CCNY: variants seen among roughly 807,000 people sequenced by gnomAD.
CCNY encodes cyclin-Y.
In CCNY, 19 loss-of-function variants were observed where a neutral mutation model predicts 42.8. That is an observed-to-expected ratio of 0.44 (90% confidence interval 0.31 to 0.65). CCNY has a LOEUF of 0.65. CCNY is among the 30% of genes least tolerant of loss of function. The probability of loss-of-function intolerance (pLI) is 0.07; values close to 1 mark genes in which losing one functional copy is unlikely to be tolerated. For synonymous variants in CCNY, 165 were observed against 162.7 expected, an observed-to-expected ratio of 1.01 and a Z score of -0.11; for missense variants, 370 against 437.3, an observed-to-expected ratio of 0.85 and a Z score of 1.37.
intron 1 of CCNY, among the ~76,000 whole-genome samples, chr10:35,480,056 A>G (rs1262285189): frequency 6.6e-6 from 1 of 151,926 alleles, no homozygotes; most frequent in African/African-American, 2.4e-5. Flanking sequence ...TGTAATTACC[A>G]TAGTTTTCTT....
intron 1 of CCNY, among the ~76,000 whole-genome samples, chr10:35,457,570 C>A (rs1357080085): frequency 6.6e-6 from 1 of 152,002 alleles, no homozygotes; most frequent in Admixed American, 6.5e-5. Context: ...TACTGTAACC[C>A]AAATTCATAG....
At chr10:35,339,302 T>C (rs1031408283) in intron 1 of CCNY, among the ~76,000 whole-genome samples, 2 of 152,178 alleles carry the variant, frequency 1.3e-5, no homozygotes, top group African/African-American at 4.8e-5. Context: ...GAGATGCAGG[T>C]AGGCCTGAGA....
rs539576419 is a variant in CCNY, at chr10:35,411,921, C to A, written c.155-71483C>A. On this transcript the variant is annotated intron_variant, in intron 1 of 9. Coordinates refer to ENST00000374704, the MANE Select transcript of CCNY (RefSeq NM_145012.6). ...CCACTGTCTCACTGGCTTTTCCTAA[C>A]AAGCCTTAATTTCTTGCTCATATCA... Among the ~76,000 whole-genome samples, 5 of 152,364 alleles carry A rather than the reference C, an allele frequency of 3.3e-5. No individual in the cohort carries two copies. In the South Asian group the frequency reaches 1.0e-3, roughly 32 times the overall value.
intron 1 of CCNY, among the ~76,000 whole-genome samples, chr10:35,364,485 A>G (rs1329460987): frequency 6.6e-6 from 1 of 152,214 alleles, no homozygotes. Flanking sequence ...AAATAATGTT[A>G]CGTATTTAAT....
chr10:35,270,717 CTTTTTTTTTTCTTTT>C (rs1283786411), intron 3 of CCNY, among the ~76,000 whole-genome samples: 11 of 131,686 alleles, frequency 8.4e-5, no homozygotes, highest in African/African-American at 3.2e-4. Context: ...ATGGTCAGTT[CTTTTTTTTTTCTTTT>C]TTTTTTTTTT....
intron 1 of CCNY, among the ~76,000 whole-genome samples, chr10:35,476,339 T>C (rs918814625): frequency 3.3e-5 from 5 of 152,234 alleles, no homozygotes; most frequent in African/African-American, 9.6e-5. Context: ...ACATTTTTTT[T>C]CAGCACCACA....
chr10:35,542,147 C>T (rs1353878349), intron 7 of CCNY, among the ~76,000 whole-genome samples: 2 of 147,198 alleles, frequency 1.4e-5, no homozygotes, highest in African/African-American at 5.1e-5. Context: ...TCCCTAGTCT[C>T]CTCTTGGCTG....
intron 3 of CCNY, among the ~76,000 whole-genome samples, chr10:35,262,024 AAAAAT>A (rs1440202881): frequency 2.0e-5 from 3 of 151,198 alleles, no homozygotes; most frequent in Middle Eastern, 6.8e-3. Flanking sequence ...TTCATCTCAA[AAAAAT>A]AAAATAAAAT....
chr10:35,507,321 C>T (rs907588583), intron 3 of CCNY, among the ~76,000 whole-genome samples: 1 of 152,064 alleles, frequency 6.6e-6, no homozygotes, highest in Non-Finnish European at 1.5e-5. Context: ...ACTTTTATTT[C>T]AAACTTACAG....
intron 3 of CCNY, among the ~76,000 whole-genome samples, chr10:35,505,106 A>G (rs1160533782): frequency 1.3e-5 from 2 of 150,922 alleles, no homozygotes; most frequent in Non-Finnish European, 2.9e-5. Flanking sequence ...CTGATTATAG[A>G]TTGTGGGTGA....
chr10:35,321,828 CATT>C (rs1453163964), intron 3 of CCNY, among the ~76,000 whole-genome samples: 1 of 152,114 alleles, frequency 6.6e-6, no homozygotes, highest in Non-Finnish European at 1.5e-5. Flanking sequence ...TATAAAGCTA[CATT>C]ATTATTAAAG....
intron 1 of CCNY, among the ~76,000 whole-genome samples, chr10:35,366,214 A>G (rs113954994): frequency 6.6e-6 from 1 of 152,210 alleles, no homozygotes; most frequent in African/African-American, 2.4e-5. Flanking sequence ...CTTGTTACAC[A>G]TTTGTTTCCT....
At chr10:35,250,539 C>T (rs1428274704) in exon 3 of CCNY, 1 of 152,256 alleles carries the variant, frequency 6.6e-6, no homozygotes, top group African/African-American at 2.4e-5. Context: ...GGGTGAAAAT[C>T]TTTGGAAGAG....
At chr10:35,273,304 C>T (rs918863189) in intron 3 of CCNY, among the ~76,000 whole-genome samples, 15 of 152,050 alleles carry the variant, frequency 9.9e-5, no homozygotes, top group East Asian at 7.8e-4. Flanking sequence ...AGGGTCCAAG[C>T]GATTCTCCAG....
intron 1 of CCNY, among the ~76,000 whole-genome samples, chr10:35,383,194 T>G (rs2135196585): frequency 6.6e-6 from 1 of 152,332 alleles, no homozygotes; most frequent in East Asian, 1.9e-4. Flanking sequence ...GCAGATGACC[T>G]AGGGGTGACT....
chr10:35,262,322 C>A (rs1293947754), intron 3 of CCNY, among the ~76,000 whole-genome samples: 3 of 110,412 alleles, frequency 2.7e-5, no homozygotes, highest in African/African-American at 1.0e-4. Context: ...CAACATGAGT[C>A]ATTTTATTTT....
At position 35,500,385 on chromosome 10, in the gene CCNY, G is replaced by A. The variant is rs73266784; in HGVS notation, c.230-1116G>A. On this transcript the variant is annotated intron_variant, in intron 2 of 9. Transcript: ENST00000374704. Reference sequence around the variant, plus strand: ...CTAAGGAAAAGAGAAGTGTTTTTTTGTGAGTCTAAGAACAGCATATGAGTG... The same window carrying A: ...CTAAGGAAAAGAGAAGTGTTTTTTTATGAGTCTAAGAACAGCATATGAGTG... Among the ~76,000 whole-genome samples, 1,505 of 152,278 alleles carry A rather than the reference G, an allele frequency of 9.9e-3. 25 individuals carry two copies. Among genetic ancestry groups the A allele is most frequent in the African/African-American group, 0.034 (1,432 of 41,546 alleles).
In CCNY at chr10:35,572,422, G is replaced by A. The variant is rs1218325292; in HGVS notation, c.*3252G>A. ...AGCCTCCCGAGTAGCTAGGATCACA[G>A]GCACCCACCACCATGCCCAGCTGAT... On this transcript the variant is annotated 3_prime_UTR_variant, in exon 10 of 10. Transcript: ENST00000374704. 1 of 151,962 alleles carries A rather than the reference G, an allele frequency of 6.6e-6. No individual in the cohort carries two copies. The highest frequency in any genetic ancestry group is 6.6e-5 in the Admixed American group (1 of 15,236). The allele number at this position is 151,962 out of a possible 1,614,324, so 9.4% of individuals were successfully genotyped here. A position where few individuals can be genotyped will look rare whatever the true frequency, so the allele number is the denominator to read the frequency against.
At position 35,338,668 on chromosome 10, in the gene CCNY, G is replaced by A. The variant is rs191603104; in HGVS notation, c.154+1461G>A. ...TAAATGAATGAGTTTATTACAGAAA[G>A]CCATTACCCAGTCCTATACTATGTT... On this transcript the variant is annotated intron_variant, in intron 1 of 9. Coordinates refer to ENST00000374704, the MANE Select transcript of CCNY (RefSeq NM_145012.6). Among the ~76,000 whole-genome samples, 318 of 152,244 alleles carry A rather than the reference G, an allele frequency of 2.1e-3. 1 individual carries two copies. Among genetic ancestry groups the A allele is most frequent in the Non-Finnish European group, 3.6e-3 (246 of 68,008 alleles).
Sources: gnomAD v4.1 joint callset for allele counts (sites outside exome capture counted in the v4.1 genomes callset) on GRCh38, gnomAD v4.1.1 for gene constraint, MANE v1.5 for transcripts, NCBI Gene and HGNC (gene_info 2026-07-23, HGNC 2026-07-21) for gene names.